The following G2E3 variants were observed in gnomAD, a reference collection of about 807,000 sequenced individuals.
G2E3 encodes G2/M-phase specific E3 ubiquitin protein ligase, also known as G2/M phase-specific E3 ubiquitin-protein ligase.
G2E3 carries 35 observed loss-of-function variants against 92.8 expected under a neutral mutation model. That is an observed-to-expected ratio of 0.38 (90% CI 0.29 to 0.50). The LOEUF (loss-of-function observed/expected upper bound fraction) is 0.50. Among genes scored for constraint, G2E3 ranks in the 20% least tolerant of loss-of-function variants. G2E3 has a pLI of 0.94. For synonymous variants in G2E3, 242 were observed against 272.4 expected (o/e 0.89, Z 1.10); for missense variants, 554 against 823.8 (o/e 0.67, Z 4.01).
chr14:30,615,539 G>T lies in G2E3; in HGVS notation c.1864G>T (p.Asp622Tyr). 6.5e-7 allele frequency: 1 copy of T among 1,540,018 alleles called. No homozygotes were observed. The highest frequency in any genetic ancestry group is 8.8e-7 in the Non-Finnish European group (1 of 1,137,588). ...FWNSYLQAVEDGKSTTTMEDI... is the reference protein window; with the variant it reads ...FWNSYLQAVEYGKSTTTMEDI... Reference sequence around the variant, plus strand: ...GAACAGTTACTTACAGGCTGTTGAAGGTATGTGGATATTTTATTTTACTTT... The same window carrying T: ...GAACAGTTACTTACAGGCTGTTGAATGTATGTGGATATTTTATTTTACTTT... The change falls in exon 14 of 15, where the codon GAT (aspartate) becomes TAT (tyrosine). Residue 622 changes from aspartate to tyrosine, a missense_variant and splice_region_variant. Asp to Tyr is a radical substitution (Grantham distance 160). Around this residue, in one of 3 missense-constraint regions of G2E3, gnomAD observed 397 missense variants for 560.3 expected, o/e 0.71. Coordinates refer to ENST00000206595, the MANE Select transcript of G2E3 (RefSeq NM_017769.5).
In G2E3 at chr14:30,617,781, TAACA is replaced by T. The variant is rs1882382306; in HGVS notation, c.*1250_*1253del. On this transcript the variant is annotated 3_prime_UTR_variant, in exon 15 of 15. Coordinates refer to ENST00000206595, the MANE Select transcript of G2E3 (RefSeq NM_017769.5). ...AGACAATACCTAAAAGTAACTGTAC[TAACA>T]AAGTGCTAACAATGTGAAAATATAT... 1 of 152,120 alleles carries T rather than the reference TAACA, an allele frequency of 6.6e-6. No homozygotes were observed. The highest frequency in any genetic ancestry group is 1.5e-5 in the Non-Finnish European group (1 of 67,960). 9.4% of individuals were successfully genotyped at this position (152,120 alleles called of 1,614,324 possible).
chr14:30,561,496 G>T (rs1879097354), intron 1 of G2E3, among the ~76,000 whole-genome samples: 1 of 152,040 alleles, frequency 6.6e-6, no homozygotes, highest in African/African-American at 2.4e-5. Context: ...TCTTCCCAAG[G>T]ACCATCTTCA....
chr14:30,577,393 A>G (rs1177442938), intron 1 of G2E3, among the ~76,000 whole-genome samples: 1 of 152,188 alleles, frequency 6.6e-6, no homozygotes, highest in Non-Finnish European at 1.5e-5. Flanking sequence ...GGTTTTAAAC[A>G]ATAAACATTT....
intron 1 of G2E3, among the ~76,000 whole-genome samples, chr14:30,569,407 A>G (rs1304832504): frequency 1.3e-5 from 2 of 152,216 alleles, no homozygotes; most frequent in Admixed American, 6.5e-5. Flanking sequence ...CAGAAAATGT[A>G]TAATTCAAGT....
intron 1 of G2E3, among the ~76,000 whole-genome samples, chr14:30,563,736 T>A (rs145145782): frequency 4.4e-4 from 62 of 142,512 alleles, no homozygotes; most frequent in African/African-American, 1.5e-3. Flanking sequence ...TGTGTGTGTG[T>A]GTGATATAGA....
In G2E3 at chr14:30,601,838, G is replaced by C. The variant is rs374851129; in HGVS notation, c.821G>C (p.Arg274Pro). ...ACACATTTAGCCTGCTCCTCATTAC[G>C]GTCATGGGAGCAAAATTGGGAGTGT... ...SGTHLACSSL[R>P]SWEQNWECLE... is the part of the protein sequence containing the mutation. Residue 274 changes from arginine to proline, a missense_variant, in exon 9 of 15, where the codon CGG becomes CCG. Arg to Pro is a moderately radical substitution (Grantham distance 103, BLOSUM62 -2). This residue lies in a region of G2E3 where 397 missense variants were observed against 560.3 expected (regional missense o/e 0.71). Transcript: ENST00000206595. The C allele has an allele frequency of 2.0e-5, 32 of 1,613,730 alleles. No individual in the cohort carries two copies. The highest frequency in any genetic ancestry group is 2.7e-5 in the Non-Finnish European group (32 of 1,179,728).
chr14:30,592,183 A>G (rs551857817), intron 4 of G2E3, 140 bp from the exon 5 acceptor site: 1 of 685,888 alleles, frequency 1.5e-6, no homozygotes, highest in South Asian at 2.0e-5. Context: ...CAGGAAATTT[A>G]TTTAATATAC....
At chr14:30,608,607 CA>C (rs1479600669) in intron 12 of G2E3, among the ~76,000 whole-genome samples, 1 of 152,198 alleles carries the variant, frequency 6.6e-6, no homozygotes, top group Admixed American at 6.5e-5. Flanking sequence ...AAAAATAGTT[CA>C]TTTATTCAGC....
At chr14:30,598,742 C>T (rs902545780) in intron 8 of G2E3, 143 bp downstream of exon 8, 4 of 682,888 alleles carry the variant, frequency 5.9e-6, no homozygotes, top group African/African-American at 5.4e-5. Context: ...TTCTAATGCA[C>T]ATTTACGTCT....
rs780848104 is a variant in G2E3 at position 30,616,807 on chromosome 14, A to G, written c.*273A>G. The G allele has an allele frequency of 1.3e-5, 3 of 229,134 alleles. No individual in the cohort carries two copies. Among genetic ancestry groups the G allele is most frequent in the Non-Finnish European group, 2.5e-5 (3 of 119,646 alleles). 14.2% of individuals were successfully genotyped at this position (229,134 alleles called of 1,614,324 possible). A position where few individuals can be genotyped will look rare whatever the true frequency, so the allele number is the denominator to read the frequency against. ...ATATAAATACTCTCAAAATGGTTGT[A>G]TGGATTTTATTTAGGTATGGTAGCA... On this transcript the variant is annotated 3_prime_UTR_variant, in exon 15 of 15. Transcript: ENST00000206595.
At chr14:30,589,056 T>G (rs370636611) in intron 3 of G2E3, among the ~76,000 whole-genome samples, 2 of 152,172 alleles carry the variant, frequency 1.3e-5, no homozygotes, top group Non-Finnish European at 2.9e-5. Context: ...GTAGGTGTTC[T>G]TTCTTTCTTT....
intron 1 of G2E3, among the ~76,000 whole-genome samples, chr14:30,574,199 A>G (rs1879939408): frequency 6.6e-6 from 1 of 152,110 alleles, no homozygotes; most frequent in Admixed American, 6.6e-5. Flanking sequence ...CTACCCCTTA[A>G]TGCTTCAGTA....
chr14:30,595,816 T>C (rs1231654409), intron 6 of G2E3, among the ~76,000 whole-genome samples: 1 of 152,172 alleles, frequency 6.6e-6, no homozygotes, highest in Non-Finnish European at 1.5e-5. Flanking sequence ...CTACAAATAA[T>C]ATACATTGGG....
chr14:30,608,692 T>C (rs1316243244), intron 12 of G2E3, among the ~76,000 whole-genome samples: 1 of 152,252 alleles, frequency 6.6e-6, no homozygotes, highest in Non-Finnish European at 1.5e-5. Context: ...ATAAGTGTCA[T>C]TGCCAACATG....
At chr14:30,589,575 G>C in intron 4 of G2E3, 91 bp downstream of exon 4, 1 of 685,662 alleles carries the variant, frequency 1.5e-6, no homozygotes, top group South Asian at 2.0e-5. Context: ...AGAAATTTAT[G>C]ACTTTGATTA....
intron 3 of G2E3, among the ~76,000 whole-genome samples, chr14:30,588,611 T>G (rs1880845547): frequency 6.6e-6 from 1 of 152,184 alleles, no homozygotes; most frequent in Admixed American, 6.5e-5. Context: ...TATAGTGATG[T>G]TACAAATGGC....
intron 14 of G2E3, 78 bp from the exon 15 acceptor site, chr14:30,616,200 A>T: frequency 1.1e-6 from 1 of 942,078 alleles, no homozygotes; most frequent in South Asian, 1.4e-5. Flanking sequence ...CTATTTGGAG[A>T]AGAATCTATG....
chr14:30,581,655 T>G (rs967930410), intron 2 of G2E3, among the ~76,000 whole-genome samples: 8 of 152,154 alleles, frequency 5.3e-5, no homozygotes, highest in African/African-American at 1.7e-4. Context: ...TGAGCAGAGA[T>G]CGCACCACTA....
Position 30,606,899 on chromosome 14 carries a change from G to GT in G2E3, c.1319-988dup, listed in dbSNP as rs1355449832. ...GGTAAGACAGCATATACTGTTGGGA[G>GT]TAAACTTGTGCCTTTGGGAAAGATT... is the stretch of plus-strand genomic sequence containing the variant. On this transcript the variant is annotated intron_variant, in intron 11 of 14. Coordinates refer to ENST00000206595, the MANE Select transcript of G2E3 (RefSeq NM_017769.5). 2.0e-5 allele frequency among the ~76,000 whole-genome samples: 3 copies of GT among 152,232 alleles called. No homozygotes were observed. The East Asian group carries it at 5.8e-4, about 29-fold the overall frequency.
Sources: allele counts gnomAD v4.1 joint callset (sites outside exome capture counted in the v4.1 genomes callset), GRCh38; gene constraint gnomAD v4.1.1; regional missense constraint gnomAD v4.1.1; transcripts MANE v1.5; gene names NCBI Gene and HGNC (gene_info 2026-07-23, HGNC 2026-07-21).